ERBB4: variants seen among roughly 807,000 people sequenced by gnomAD.
ERBB4 encodes erb-b2 receptor tyrosine kinase 4.
A neutral mutation model predicts 158.0 loss-of-function variants in ERBB4; 42 were observed. The observed-to-expected ratio is 0.27, with a 90% CI of 0.21 to 0.34. The LOEUF (loss-of-function observed/expected upper bound fraction) is 0.34. Ranked by LOEUF, ERBB4 falls within the 10% of genes least tolerant of loss-of-function variation. The pLI is 1.00. For synonymous variants in ERBB4, 583 were observed against 558.7 expected (o/e 1.04, Z -0.61); for missense variants, 1,333 against 1,624.1 (o/e 0.82, Z 3.08).
chr2:212,007,492 AT>A (rs1436049960), intron 2 of ERBB4, among the ~76,000 whole-genome samples: 2 of 151,822 alleles, frequency 1.3e-5, no homozygotes, highest in African/African-American at 4.8e-5. Flanking sequence ...AAAAATCAAT[AT>A]TTTTATTCTG....
chr2:212,325,606 T>G (rs576044955), intron 1 of ERBB4, among the ~76,000 whole-genome samples: 9 of 150,712 alleles, frequency 6.0e-5, no homozygotes, highest in African/African-American at 2.2e-4. Context: ...TGTGGGGAAA[T>G]GCATAGGAAG....
rs548361646 is a variant in ERBB4 at position 211,738,388 on chromosome 2, A to G, written c.622+12251T>C. On this transcript the variant is annotated intron_variant, in intron 5 of 27. Coordinates refer to ENST00000342788, the MANE Select transcript of ERBB4 (RefSeq NM_005235.3). ...TTTTTTTTTTTTTTTTTTTTTTTTG[A>G]GACAGAGTCTTGCTCTGTTGCCCAG... Among the ~76,000 whole-genome samples the G allele has an allele frequency of 6.4e-3, 465 of 72,606 alleles. 7 individuals are homozygous for G. Among genetic ancestry groups the G allele is most frequent in the African/African-American group, 0.016 (440 of 27,364 alleles). The allele number at this position is 72,606 out of a possible 152,430, so 47.6% of individuals were successfully genotyped here.
chr2:211,810,965 C>T (rs760292585), intron 3 of ERBB4, among the ~76,000 whole-genome samples: 14 of 152,150 alleles, frequency 9.2e-5, no homozygotes, highest in East Asian at 1.9e-4. Flanking sequence ...TGAGCCACCG[C>T]GCCTGGCCCA....
At chr2:211,995,376 C>A (rs1442671899) in intron 2 of ERBB4, among the ~76,000 whole-genome samples, 1 of 152,108 alleles carries the variant, frequency 6.6e-6, no homozygotes, top group African/African-American at 2.4e-5. Flanking sequence ...TTTAAAGTTT[C>A]TCAACGGCTT....
At chr2:211,913,721 A>G (rs2079606605) in intron 3 of ERBB4, among the ~76,000 whole-genome samples, 4 of 151,348 alleles carry the variant, frequency 2.6e-5, no homozygotes, top group Admixed American at 2.6e-4. Flanking sequence ...AAAATTTGGT[A>G]TAGTGTCTAT....
chr2:211,520,563 A>C (rs188224128), intron 20 of ERBB4, among the ~76,000 whole-genome samples: 159 of 152,226 alleles, frequency 1.0e-3, no homozygotes, highest in Middle Eastern at 6.8e-3. Flanking sequence ...TCGTATATGG[A>C]CCACAAACCC....
chr2:211,388,519 C>T (rs912102725), intron 25 of ERBB4, among the ~76,000 whole-genome samples: 2 of 151,586 alleles, frequency 1.3e-5, no homozygotes, highest in African/African-American at 4.8e-5. Flanking sequence ...ACTCCTTAGT[C>T]TCTCCTGATT....
intron 2 of ERBB4, among the ~76,000 whole-genome samples, chr2:211,993,001 G>A (rs1393704352): frequency 3.3e-5 from 5 of 152,204 alleles, no homozygotes; most frequent in Non-Finnish European, 5.9e-5. Flanking sequence ...TCAGTCATGT[G>A]TCAGTGAGTA....
At chr2:212,512,034 A>G (rs1691550599) in intron 1 of ERBB4, among the ~76,000 whole-genome samples, 1 of 152,174 alleles carries the variant, frequency 6.6e-6, no homozygotes, top group Non-Finnish European at 1.5e-5. Context: ...TTCATTGATC[A>G]GAATTCTATC....
chr2:211,480,316 G>A (rs951139740), intron 20 of ERBB4, among the ~76,000 whole-genome samples: 4 of 152,090 alleles, frequency 2.6e-5, no homozygotes, highest in Non-Finnish European at 2.9e-5. Flanking sequence ...ATCTCATGTC[G>A]AATTGTAATC....
intron 19 of ERBB4, among the ~76,000 whole-genome samples, chr2:211,611,244 C>G (rs533145724): frequency 1.3e-5 from 2 of 151,912 alleles, no homozygotes; most frequent in African/African-American, 4.8e-5. Context: ...ACAGCTGCAG[C>G]CTGATGTTTT....
At chr2:211,942,092 T>C (rs915321133) in intron 3 of ERBB4, among the ~76,000 whole-genome samples, 3 of 152,114 alleles carry the variant, frequency 2.0e-5, no homozygotes, top group Admixed American at 6.5e-5. Context: ...CTATGACATA[T>C]ATTGAGTCAA....
chr2:211,564,963 C>G (rs1369853515), intron 19 of ERBB4, among the ~76,000 whole-genome samples: 1 of 151,910 alleles, frequency 6.6e-6, no homozygotes, highest in African/African-American at 2.4e-5. Context: ...GAAAACTAAG[C>G]TAAAGTAAAA....
chr2:211,985,638 T>C (rs550125841), intron 2 of ERBB4, among the ~76,000 whole-genome samples: 1 of 152,046 alleles, frequency 6.6e-6, no homozygotes, highest in Non-Finnish European at 1.5e-5. Context: ...GTGTCTCTTA[T>C]GTATTAGAAG....
intron 2 of ERBB4, among the ~76,000 whole-genome samples, chr2:211,999,196 CTA>C (rs943561986): frequency 2.6e-4 from 40 of 151,848 alleles, no homozygotes; most frequent in African/African-American, 8.9e-4. Flanking sequence ...CCAAATAACT[CTA>C]TGTCTCTTGC....
intron 1 of ERBB4, among the ~76,000 whole-genome samples, chr2:212,430,928 G>A (rs1163183935): frequency 6.6e-6 from 1 of 152,064 alleles, no homozygotes; most frequent in Admixed American, 6.6e-5. Context: ...GTGGTGCTGA[G>A]TTTTAATGAC....
At chr2:212,240,934 G>A (rs1245903211) in intron 1 of ERBB4, among the ~76,000 whole-genome samples, 1 of 152,074 alleles carries the variant, frequency 6.6e-6, no homozygotes, top group Non-Finnish European at 1.5e-5. Flanking sequence ...CATAGTAATG[G>A]ATAAGGAAAT....
At chr2:211,558,159 T>C (rs1368212909) in intron 20 of ERBB4, among the ~76,000 whole-genome samples, 1 of 152,190 alleles carries the variant, frequency 6.6e-6, no homozygotes, top group Non-Finnish European at 1.5e-5. Flanking sequence ...TACAGCTCTG[T>C]AGGTTGGAAG....
chr2:212,166,576 G>GAAAAA lies in ERBB4; in HGVS notation c.83-41678_83-41674dup, dbSNP rs35242218. On this transcript the variant is annotated intron_variant, in intron 1 of 27. Transcript: ENST00000342788. Reference sequence around the variant, plus strand: ...ACCATTGACATTCTTCACAGAATTAGAAAAAAAAAAAACTATTTTAAATTT... The same window carrying GAAAAA: ...ACCATTGACATTCTTCACAGAATTAGAAAAAAAAAAAAAAAAACTATTTTAAATTT... Among the ~76,000 whole-genome samples, 397 of 144,126 alleles carry GAAAAA rather than the reference G, an allele frequency of 2.8e-3. 5 individuals carry two copies. The highest frequency in any genetic ancestry group is 9.7e-3 in the African/African-American group (378 of 38,894). 94.6% of individuals were successfully genotyped at this position (144,126 alleles called of 152,430 possible).
Sources: gnomAD v4.1 joint callset for allele counts (sites outside exome capture counted in the v4.1 genomes callset) on GRCh38, gnomAD v4.1.1 for gene constraint, MANE v1.5 for transcripts, NCBI Gene and HGNC (gene_info 2026-07-23, HGNC 2026-07-21) for gene names.